PPP3CA: variants seen among roughly 807,000 people sequenced by gnomAD.
PPP3CA encodes the protein protein phosphatase 3 catalytic subunit alpha.
PPP3CA carries 14 observed loss-of-function variants against 66.5 expected under a neutral mutation model. That is an observed-to-expected ratio of 0.21 (90% CI 0.14 to 0.33). The LOEUF (loss-of-function observed/expected upper bound fraction) is 0.33. Ranked by LOEUF, PPP3CA falls within the 10% of genes least tolerant of loss-of-function variation. PPP3CA has a pLI of 1.00. For missense variants in PPP3CA, 317 were observed against 639.5 expected (o/e 0.50, Z 5.44); for synonymous variants, 232 against 226.2 (o/e 1.03, Z -0.23).
chr4:101,346,987 C>CGCCGCCTTCACTCCTCCTCCGCCGCT lies in PPP3CA; in HGVS notation c.-217_-192dup. On this transcript the variant is annotated 5_prime_UTR_variant, in exon 1 of 14. Coordinates refer to ENST00000394854, the MANE Select transcript of PPP3CA (RefSeq NM_000944.5). ...TTTCCGCGCGTCCCTCCTCCGCCGC[C>CGCCGCCTTCACTCCTCCTCCGCCGCT]GCCGCCTTCACTCCTCCTCCGCCGC... 6.3e-6 allele frequency: 4 copies of CGCCGCCTTCACTCCTCCTCCGCCGCT among 639,936 alleles called. No individual in the cohort carries two copies. Among genetic ancestry groups the CGCCGCCTTCACTCCTCCTCCGCCGCT allele is most frequent in the South Asian group, 1.9e-5 (1 of 53,304 alleles). 39.6% of individuals were successfully genotyped at this position (639,936 alleles called of 1,614,324 possible).
chr4:101,318,140 G>A lies in PPP3CA; in HGVS notation c.58+28599C>T, dbSNP rs1054805085. On this transcript the variant is annotated intron_variant, in intron 1 of 13. Transcript: ENST00000394854. Reference sequence around the variant, plus strand: ...GTTCACATGCATGCTTTTGAACACTGGAGTTGTATTTTTAAGAAATATTCA... The same window carrying A: ...GTTCACATGCATGCTTTTGAACACTAGAGTTGTATTTTTAAGAAATATTCA... Among the ~76,000 whole-genome samples, 63 of 152,030 alleles carry A rather than the reference G, an allele frequency of 4.1e-4. 1 individual carries two copies. Among genetic ancestry groups the A allele is most frequent in the Admixed American group, 4.1e-3 (63 of 15,258 alleles).
At position 101,025,902 on chromosome 4, in the gene PPP3CA, G is replaced by C. The variant is rs781181414; in HGVS notation, c.1529C>G (p.Thr510Arg). Residue 510 changes from threonine to arginine, a missense_variant, in exon 14 of 14, where the codon ACG becomes AGG. By Grantham distance (71) the Thr-to-Arg change is moderately conservative. This residue lies in a region of PPP3CA where 40 missense variants were observed against 38.6 expected (regional missense o/e 1.04). Coordinates refer to ENST00000394854, the MANE Select transcript of PPP3CA (RefSeq NM_000944.5). Reference protein sequence around the residue: ...NKALTSETNGTDSNGSNSSNI... With the variant: ...NKALTSETNGRDSNGSNSSNI... ...GCTGCTATTACTGCCATTGCTGTCC[G>C]TGCCGTTAGTCTCTGAGGTGAGAGC... is the stretch of plus-strand genomic sequence containing the variant. 1.9e-6 allele frequency: 3 copies of C among 1,601,558 alleles called. No individual in the cohort carries two copies. The highest frequency in any genetic ancestry group is 1.7e-5 in the Admixed American group (1 of 58,666).
At chr4:101,129,664 A>G (rs185782615) in intron 2 of PPP3CA, among the ~76,000 whole-genome samples, 2 of 152,370 alleles carry the variant, frequency 1.3e-5, no homozygotes, top group African/African-American at 4.8e-5. Flanking sequence ...CCTGACTGTT[A>G]GAAGGAAAAC....
chr4:101,342,954 C>G (rs55667372), intron 1 of PPP3CA, among the ~76,000 whole-genome samples: 1 of 151,986 alleles, frequency 6.6e-6, no homozygotes, highest in Non-Finnish European at 1.5e-5. Context: ...ATGATCTTAG[C>G]ATCTTTCAGA....
At chr4:101,085,063 C>T (rs1391968778) in intron 6 of PPP3CA, among the ~76,000 whole-genome samples, 1 of 152,146 alleles carries the variant, frequency 6.6e-6, no homozygotes, top group African/African-American at 2.4e-5. Context: ...AAAGAAAAAA[C>T]CACTTTACTT....
intron 1 of PPP3CA, among the ~76,000 whole-genome samples, chr4:101,227,739 C>A (rs1361561731): frequency 6.6e-6 from 1 of 151,538 alleles, no homozygotes; most frequent in African/African-American, 2.4e-5. Context: ...TCAAGTAGGC[C>A]CTGGTGTCCA....
At chr4:101,278,982 C>T (rs1030597696) in intron 1 of PPP3CA, among the ~76,000 whole-genome samples, 1 of 152,058 alleles carries the variant, frequency 6.6e-6, no homozygotes, top group African/African-American at 2.4e-5. Flanking sequence ...GATCAATTTC[C>T]CAATAAAGCC....
At chr4:101,113,035 T>C (rs72929335) in intron 2 of PPP3CA, among the ~76,000 whole-genome samples, 2,198 of 152,254 alleles carry the variant, frequency 0.014, 48 homozygotes, top group African/African-American at 0.05. Context: ...TGATAGAGAT[T>C]GACAAGTTTG....
At chr4:101,323,504 G>A (rs1373369973) in intron 1 of PPP3CA, among the ~76,000 whole-genome samples, 2 of 152,106 alleles carry the variant, frequency 1.3e-5, no homozygotes, top group South Asian at 2.1e-4. Context: ...AGTAAATGGC[G>A]TCAGAATATA....
At chr4:101,072,498 C>T (rs965112913) in intron 8 of PPP3CA, among the ~76,000 whole-genome samples, 5 of 151,928 alleles carry the variant, frequency 3.3e-5, no homozygotes, top group African/African-American at 1.2e-4. Flanking sequence ...TCCTTTGTGC[C>T]CTAGATTTTC....
At chr4:101,040,818 A>C (rs1727484633) in intron 10 of PPP3CA, among the ~76,000 whole-genome samples, 1 of 152,142 alleles carries the variant, frequency 6.6e-6, no homozygotes, top group African/African-American at 2.4e-5. Flanking sequence ...GGTGAGTAAG[A>C]AGCTAACTGG....
chr4:101,251,006 A>G (rs771849963), intron 1 of PPP3CA, among the ~76,000 whole-genome samples: 40 of 152,234 alleles, frequency 2.6e-4, no homozygotes, highest in Middle Eastern at 3.4e-3. Flanking sequence ...TAAGTCCTGT[A>G]AGAGAATAAT....
intron 11 of PPP3CA, among the ~76,000 whole-genome samples, chr4:101,038,364 C>CT (rs769368076): frequency 3.2e-4 from 47 of 148,968 alleles, no homozygotes; most frequent in South Asian, 2.4e-3. Context: ...TTAGCACACA[C>CT]TTTTTTTTTC....
chr4:101,235,074 A>C (rs1726083967), intron 1 of PPP3CA, among the ~76,000 whole-genome samples: 1 of 151,928 alleles, frequency 6.6e-6, no homozygotes, highest in East Asian at 1.9e-4. Context: ...AAAGATGTAA[A>C]TTATTAACAC....
At chr4:101,176,215 T>TG (rs1390550906) in intron 2 of PPP3CA, among the ~76,000 whole-genome samples, 1 of 152,200 alleles carries the variant, frequency 6.6e-6, no homozygotes, top group Non-Finnish European at 1.5e-5. Context: ...TTATGTGATC[T>TG]ACAGGGTTTT....
chr4:101,258,476 A>C (rs765089808), intron 1 of PPP3CA, among the ~76,000 whole-genome samples: 1 of 152,140 alleles, frequency 6.6e-6, no homozygotes, highest in Non-Finnish European at 1.5e-5. Context: ...TGTTTTAGAC[A>C]CTAACTTTCC....
intron 2 of PPP3CA, among the ~76,000 whole-genome samples, chr4:101,124,768 A>T (rs1722184229): frequency 7.7e-6 from 1 of 130,316 alleles, no homozygotes; most frequent in Non-Finnish European, 1.6e-5. Flanking sequence ...AGAAAGAAAG[A>T]AAGAAAGAAA....
chr4:101,081,030 G>A (rs912972925), intron 7 of PPP3CA, among the ~76,000 whole-genome samples: 6 of 152,008 alleles, frequency 3.9e-5, no homozygotes, highest in African/African-American at 1.4e-4. Context: ...AGTAGAGCAA[G>A]ATACAAAGAC....
rs1196954163 is a variant in PPP3CA, at chr4:101,026,003, T to C, written c.1428A>G (p.Leu476=). Residue 476 remains leucine (L), a synonymous_variant, in exon 14 of 14, where the codon TTA becomes TTG. Coordinates refer to ENST00000394854, the MANE Select transcript of PPP3CA (RefSeq NM_000944.5). The stretch of plus-strand genomic sequence containing the variant: ...GCGGCATCCTCTCATTAATTCGGTC[T>C]AAGCCCTTGGCTTCCTCGAAGCTAG... ...KITSFEEAKG[L]DRINERMPPR... The C allele has an allele frequency of 1.2e-6, 2 of 1,613,766 alleles. No homozygotes were observed. The highest frequency in any genetic ancestry group is 3.3e-5 in the Admixed American group (2 of 59,950).
Sources: allele counts gnomAD v4.1 joint callset (sites outside exome capture counted in the v4.1 genomes callset), GRCh38; gene constraint gnomAD v4.1.1; regional missense constraint gnomAD v4.1.1; transcripts MANE v1.5; gene names NCBI Gene and HGNC (gene_info 2026-07-23, HGNC 2026-07-21).